The following WIPF1 variants were observed in gnomAD, a reference collection of about 807,000 sequenced individuals.
WIPF1 encodes WAS/WASL interacting protein family member 1, also known as WAS/WASL-interacting protein family member 1.
A neutral mutation model predicts 35.4 loss-of-function variants in WIPF1; 13 were observed. The ratio of observed to expected loss-of-function variants is 0.37; its 90% CI spans 0.24 to 0.58. The LOEUF (loss-of-function observed/expected upper bound fraction) is 0.58, where lower values mean the gene tolerates loss of function less well. Ranked by LOEUF, WIPF1 falls within the 20% of genes least tolerant of loss-of-function variation. The pLI is 0.74. For synonymous variants in WIPF1, 267 were observed against 266.3 expected, an observed-to-expected ratio of 1.00 and a Z score of -0.02; for missense variants, 591 against 667.0, an observed-to-expected ratio of 0.89 and a Z score of 1.25.
rs140565238 is a variant in WIPF1, at chr2:174,583,897, G to A, written c.51+1626C>T. 1.2e-3 allele frequency among the ~76,000 whole-genome samples: 180 copies of A among 152,218 alleles called. 5 individuals carry two copies. The highest frequency in any genetic ancestry group is 4.0e-3 in the African/African-American group (165 of 41,524). On this transcript the variant is annotated intron_variant, in intron 2 of 7. Coordinates refer to ENST00000679041, the MANE Select transcript of WIPF1 (RefSeq NM_001375834.1). Reference sequence around the variant, plus strand: ...TGCAGTAGTGCAATCACAGCTCACTGCAGCCTTGACCTCCTGGGCTCAAAC... The same window carrying A: ...TGCAGTAGTGCAATCACAGCTCACTACAGCCTTGACCTCCTGGGCTCAAAC...
intron 1 of WIPF1, among the ~76,000 whole-genome samples, chr2:174,589,699 C>A (rs141983159): frequency 1.3e-4 from 20 of 152,302 alleles, no homozygotes; most frequent in Admixed American, 4.6e-4. Flanking sequence ...ATTATGAATG[C>A]AGGCCACAAA....
chr2:174,631,711 G>A (rs1475588726), intron 1 of WIPF1, among the ~76,000 whole-genome samples: 2 of 152,148 alleles, frequency 1.3e-5, no homozygotes, highest in East Asian at 3.8e-4. Context: ...ACTTCTTTCT[G>A]AGAAATCCAG....
chr2:174,652,624 G>A (rs1045490125), intron 1 of WIPF1, among the ~76,000 whole-genome samples: 2 of 152,052 alleles, frequency 1.3e-5, no homozygotes, highest in African/African-American at 4.8e-5. Flanking sequence ...ACCTTAGGGG[G>A]AAATAATTTA....
intron 1 of WIPF1, among the ~76,000 whole-genome samples, chr2:174,610,542 A>G (rs1686309427): frequency 6.6e-6 from 1 of 152,168 alleles, no homozygotes; most frequent in Non-Finnish European, 1.5e-5. Context: ...AGATAAATGG[A>G]CAAAGTAGAA....
At chr2:174,624,030 G>GA (rs369539761) in intron 1 of WIPF1, among the ~76,000 whole-genome samples, 100 of 147,872 alleles carry the variant, frequency 6.8e-4, no homozygotes, top group Non-Finnish European at 8.9e-4. Context: ...CTTAAAAAAA[G>GA]AAAAAAAAAA....
chr2:174,681,539 A>C (rs1346707839), intron 1 of WIPF1, among the ~76,000 whole-genome samples: 1 of 152,250 alleles, frequency 6.6e-6, no homozygotes, highest in Non-Finnish European at 1.5e-5. Flanking sequence ...AAATCTACCA[A>C]CGACTCAAAA....
At chr2:174,609,350 G>A (rs1343650461) in intron 1 of WIPF1, among the ~76,000 whole-genome samples, 1 of 152,190 alleles carries the variant, frequency 6.6e-6, no homozygotes, top group African/African-American at 2.4e-5. Flanking sequence ...TAATGCAAAT[G>A]TCATACAAAT....
intron 1 of WIPF1, among the ~76,000 whole-genome samples, chr2:174,653,867 TG>T (rs1461972515): frequency 3.9e-5 from 6 of 152,050 alleles, no homozygotes; most frequent in Non-Finnish European, 8.8e-5. Context: ...GCTTTGCCAC[TG>T]ATCACCTGAC....
In WIPF1 at chr2:174,652,556, T is replaced by C. The variant is rs144449301; in HGVS notation, c.-39+30218A>G. On this transcript the variant is annotated intron_variant, in intron 1 of 8. Transcript: ENST00000272746. ...CTTTGGTGATTTTTCCCATCTCCAT[T>C]AAGGCTATATAGCAATCAGATGCCC... Among the ~76,000 whole-genome samples, 76 of 152,302 alleles carry C rather than the reference T, an allele frequency of 5.0e-4. 1 individual carries two copies. The highest frequency in any genetic ancestry group is 1.8e-3 in the African/African-American group (73 of 41,560).
At position 174,630,091 on chromosome 2, in the gene WIPF1, T is replaced by C. The variant is rs187874936; in HGVS notation, c.-38-44480A>G. ...CATATGCTCTAGAGAATTCCTCCCA[T>C]TATACACACACACATACACACACGT... is the stretch of plus-strand genomic sequence containing the variant. On this transcript the variant is annotated intron_variant, in intron 1 of 8. Coordinates refer to the WIPF1 transcript ENST00000272746. Among the ~76,000 whole-genome samples, 1,093 of 152,194 alleles carry C rather than the reference T, an allele frequency of 7.2e-3. 9 individuals carry two copies. Among genetic ancestry groups the C allele is most frequent in the Non-Finnish European group, 0.012 (784 of 67,984 alleles).
intron 1 of WIPF1, among the ~76,000 whole-genome samples, chr2:174,608,566 A>C (rs1300793162): frequency 6.6e-6 from 1 of 152,104 alleles, no homozygotes; most frequent in Non-Finnish European, 1.5e-5. Flanking sequence ...AACATTTCCC[A>C]GTTACCAGCA....
rs778029521 is a variant in WIPF1 at position 174,572,126 on chromosome 2, C to G, written c.679G>C (p.Gly227Arg). The change falls in exon 5 of 8, where the codon GGC becomes CGC. Residue 227 changes from glycine (G) to arginine (R), a missense_variant. Transcript: ENST00000679041. ...ATTGAGCCTCCTCCCAAAGCAGTGC[C>G]GCGGTTTCCAGGGAAAGGGGGAGGA... ...PTPPPFPGNR[G>R]TALGGGSIRQ... is the part of the protein sequence containing the mutation. 4 of 1,608,722 alleles carry G rather than the reference C, an allele frequency of 2.5e-6. No homozygotes were observed. The highest frequency in any genetic ancestry group is 2.2e-5 in the South Asian group (2 of 90,638).
intron 1 of WIPF1, chr2:174,625,532 G>A (rs977451981): frequency 1.3e-5 from 2 of 152,144 alleles, no homozygotes; most frequent in African/African-American, 2.4e-5. Flanking sequence ...TCACCTCTCT[G>A]AGGCAATTTC....
At chr2:174,594,594 G>GAAAATATCTTACTTGA (rs372959732) in intron 1 of WIPF1, among the ~76,000 whole-genome samples, 6 of 135,046 alleles carry the variant, frequency 4.4e-5, no homozygotes, top group African/African-American at 7.8e-5. Context: ...TCTCTTTAAG[G>GAAAATATCTTACTTGA]GGTTCAAATC....
chr2:174,579,269 G>C (rs1685162490), intron 3 of WIPF1, among the ~76,000 whole-genome samples: 1 of 152,152 alleles, frequency 6.6e-6, no homozygotes, highest in African/African-American at 2.4e-5. Flanking sequence ...GCCTCCCAAA[G>C]TGCTGGGATT....
chr2:174,583,404 C>T (rs926181374), intron 2 of WIPF1, among the ~76,000 whole-genome samples: 1 of 152,180 alleles, frequency 6.6e-6, no homozygotes, highest in Non-Finnish European at 1.5e-5. Context: ...CAGTAGCCTC[C>T]TGTTCTGCCT....
chr2:174,643,522 C>T (rs967411447), intron 1 of WIPF1, among the ~76,000 whole-genome samples: 4 of 148,796 alleles, frequency 2.7e-5, no homozygotes, highest in Non-Finnish European at 2.9e-5. Flanking sequence ...AGGAGATTCT[C>T]GAGCCTCAGC....
At chr2:174,665,791 C>T (rs1440140710) in intron 1 of WIPF1, 2 of 152,158 alleles carry the variant, frequency 1.3e-5, no homozygotes, top group African/African-American at 2.4e-5. Flanking sequence ...GGTTTCAGAA[C>T]CCTGGTTTAG....
At chr2:174,597,867 A>T (rs1219520836), upstream of WIPF1, 1 of 152,652 alleles carries the variant, frequency 6.6e-6, no homozygotes, top group Non-Finnish European at 1.5e-5. Flanking sequence ...TGCTGCAGAA[A>T]AAGAAACTAG....
Sources: gnomAD v4.1 joint callset for allele counts (sites outside exome capture counted in the v4.1 genomes callset) on GRCh38, gnomAD v4.1.1 for gene constraint, MANE v1.5 for transcripts, NCBI Gene and HGNC (gene_info 2026-07-23, HGNC 2026-07-21) for gene names.